Variants in FBN3 observed in about 807,000 individuals in gnomAD.
FBN3 encodes the protein fibrillin 3.
A neutral mutation model predicts 330.1 loss-of-function variants in FBN3; 234 were observed. That is an observed-to-expected ratio of 0.71 (90% CI 0.64 to 0.79). The LOEUF (loss-of-function observed/expected upper bound fraction) is 0.79, where lower values mean the gene tolerates loss of function less well. Among genes scored for constraint, FBN3 ranks in the 30% least tolerant of loss-of-function variants. The pLI is 0.00. For missense variants in FBN3, 3,606 were observed against 3,886.9 expected (o/e 0.93, Z 1.92); for synonymous variants, 1,458 against 1,517.3 (o/e 0.96, Z 0.91).
In FBN3 at chr19:8,090,236, A is replaced by C. The variant is rs2082063968; in HGVS notation, c.6047T>G (p.Phe2016Cys). The C allele has an allele frequency of 1.9e-6, 3 of 1,613,810 alleles. No individual in the cohort carries two copies. Among genetic ancestry groups the C allele is most frequent in the Admixed American group, 1.7e-5 (1 of 59,980 alleles). ...CCCAGCCTCAAAACGGGTGAAGCAG[A>C]AACTCTGCCGTGTGTCTGTGGGGTG... ...GHRCFDTRQSFCFTRFEAGKC... is the reference protein window; with the variant it reads ...GHRCFDTRQSCCFTRFEAGKC... Residue 2016 changes from phenylalanine (F) to cysteine (C), a missense_variant, in exon 49 of 64, where the codon TTC becomes TGC. Transcript: ENST00000600128.
At chr19:8,114,608 C>T (rs372192500) in intron 30 of FBN3, among the ~76,000 whole-genome samples, 3 of 151,872 alleles carry the variant, frequency 2.0e-5, no homozygotes, top group South Asian at 2.1e-4. Flanking sequence ...GCCATATGGC[C>T]GTGTTGTGAT....
chr19:8,141,640 T>A (rs72993506), intron 8 of FBN3, 77 bp downstream of exon 8: 72,789 of 1,521,016 alleles, frequency 0.048, 1,980 homozygotes, highest in African/African-American at 0.1. Context: ...CCCCTCTGCC[T>A]TCCTGCAGGG....
At chr19:8,125,423 G>GA (rs113707871) in intron 22 of FBN3, among the ~76,000 whole-genome samples, 58,006 of 146,488 alleles carry the variant, frequency 0.4, 12,222 homozygotes, top group African/African-American at 0.56. Flanking sequence ...CAAGAAAAAA[G>GA]AAAAAAAAAC....
At chr19:8,108,820 T>C (rs1031363162) in intron 36 of FBN3, among the ~76,000 whole-genome samples, 2 of 152,142 alleles carry the variant, frequency 1.3e-5, no homozygotes, top group African/African-American at 4.8e-5. Flanking sequence ...TCCTGAGCTA[T>C]GGGTATGCCT....
intron 36 of FBN3, among the ~76,000 whole-genome samples, chr19:8,108,754 T>C (rs1260099795): frequency 6.6e-6 from 1 of 152,034 alleles, no homozygotes; most frequent in East Asian, 1.9e-4. Context: ...AAAACCTCAC[T>C]CAAGCCTCCT....
chr19:8,095,871 T>G, intron 45 of FBN3, 93 bp downstream of exon 45: 1 of 760,524 alleles, frequency 1.3e-6, no homozygotes, highest in Non-Finnish European at 2.3e-6. Context: ...ATCGGGGACT[T>G]TCTGGGCATC....
rs140271593 is a variant in FBN3 at position 8,123,494 on chromosome 19, C to A, written c.3052G>T (p.Ala1018Ser). ...SFHCACAGGFALDAQERNCTD... is the reference protein window; with the variant it reads ...SFHCACAGGFSLDAQERNCTD... Reference sequence around the variant, plus strand: ...CAGTTCCGTTCCTGGGCATCCAGGGCGAAGCCCCCCGCACAGGCGCAGTGG... The same window carrying A: ...CAGTTCCGTTCCTGGGCATCCAGGGAGAAGCCCCCCGCACAGGCGCAGTGG... The change falls in exon 24 of 64, where the codon GCC becomes TCC. Residue 1018 changes from alanine (A) to serine (S), a missense_variant. Coordinates refer to ENST00000600128, the MANE Select transcript of FBN3 (RefSeq NM_032447.5). The A allele has an allele frequency of 1.2e-6, 2 of 1,613,832 alleles. No individual in the cohort carries two copies. Among genetic ancestry groups the A allele is most frequent in the African/African-American group, 2.7e-5 (2 of 74,946 alleles).
Position 8,103,706 on chromosome 19 carries a change from T to A in FBN3, c.4814-19A>T. 1 of 1,609,708 alleles carries A rather than the reference T, an allele frequency of 6.2e-7. No homozygotes were observed. The highest frequency in any genetic ancestry group is 8.5e-7 in the Non-Finnish European group (1 of 1,177,598). On this transcript the variant is annotated intron_variant, in intron 38 of 63. Transcript: ENST00000600128. ...TCAATATCTGCAGGGAAAGAAGGGG[T>A]GGAGGGGAACAGTGGGCAGCGTCCA...
chr19:8,129,409 G>A lies in FBN3; in HGVS notation c.2045-44C>T. 2 of 1,607,504 alleles carry A rather than the reference G, an allele frequency of 1.2e-6. No individual in the cohort carries two copies. Among genetic ancestry groups the A allele is most frequent in the East Asian group, 2.2e-5 (1 of 44,808 alleles). ...GTGTCAGCAGCAGCAGAAGGAGGGT[G>A]TGTCCGAGGCAGGAGGAGGGTGTGT... On this transcript the variant is annotated intron_variant, in intron 16 of 63. Coordinates refer to ENST00000600128, the MANE Select transcript of FBN3 (RefSeq NM_032447.5). This position sits in a 1 kb window ranked among gnomAD's most constrained non-coding sequence, Gnocchi z 4.5.
At chr19:8,079,670 A>C (rs907366536) in intron 59 of FBN3, among the ~76,000 whole-genome samples, 2 of 152,126 alleles carry the variant, frequency 1.3e-5, no homozygotes, top group African/African-American at 4.8e-5. Flanking sequence ...GGCTCACTGC[A>C]ATCTCCACCT....
At chr19:8,126,438 G>A (rs556536763) in intron 20 of FBN3, 30 bp downstream of exon 20, 71 of 1,602,652 alleles carry the variant, frequency 4.4e-5, no homozygotes, top group Non-Finnish European at 5.9e-5. Context: ...TTTCCCATGG[G>A]TGCCTGGGAG....
chr19:8,073,000 T>TGTGTGTGC (rs1268154685), intron 62 of FBN3, 63 bp downstream of exon 62: 15 of 916,324 alleles, frequency 1.6e-5, no homozygotes, highest in African/African-American at 8.5e-5. Flanking sequence ...TGTGTGTGTG[T>TGTGTGTGC]GTGCGTGCGT....
At position 8,130,603 on chromosome 19, in the gene FBN3, A is replaced by AGGAAGGAAGGAAGGAAGGAAGGAAGGAAG. The variant is rs1319455357; in HGVS notation, c.2044+631_2044+632insCTTCCTTCCTTCCTTCCTTCCTTCCTTCC. Among the ~76,000 whole-genome samples the AGGAAGGAAGGAAGGAAGGAAGGAAGGAAG allele has an allele frequency of 1.4e-4, 2 of 14,518 alleles. 1 individual carries two copies. The highest frequency in any genetic ancestry group is 2.8e-4 in the Non-Finnish European group (2 of 7,182). 9.5% of individuals were successfully genotyped at this position (14,518 alleles called of 152,430 possible). ...AAGAATGAAAGAAAGAAAGAAAGAA[A>AGGAAGGAAGGAAGGAAGGAAGGAAGGAAG]GAAAGAAAGAAAGAAAGAAAGAAAG... On this transcript the variant is annotated intron_variant, in intron 16 of 63. Transcript: ENST00000600128.
At chr19:8,125,183 C>T (rs1037718090) in intron 22 of FBN3, among the ~76,000 whole-genome samples, 6 of 152,066 alleles carry the variant, frequency 3.9e-5, no homozygotes, top group African/African-American at 1.2e-4. Flanking sequence ...CCCTTGAGGC[C>T]AGGAGTTTGA....
At position 8,080,087 on chromosome 19, in the gene FBN3, C is replaced by T. The variant is rs2144613581; in HGVS notation, c.7453+916G>A. On this transcript the variant is annotated intron_variant, in intron 59 of 63. Coordinates refer to ENST00000600128, the MANE Select transcript of FBN3 (RefSeq NM_032447.5). Reference sequence around the variant, plus strand: ...CTTCTCTGCCAATATAGTGCAAAAGCAGCCACAGGTGATTGTAAGCAAGCG... The same window carrying T: ...CTTCTCTGCCAATATAGTGCAAAAGTAGCCACAGGTGATTGTAAGCAAGCG... 1.3e-5 allele frequency among the ~76,000 whole-genome samples: 2 copies of T among 152,366 alleles called. 1 individual carries two copies. Among genetic ancestry groups the T allele is most frequent in the East Asian group, 3.9e-4 (2 of 5,188 alleles).
chr19:8,139,023 C>T (rs140720357), intron 8 of FBN3, among the ~76,000 whole-genome samples: 335 of 151,638 alleles, frequency 2.2e-3, no homozygotes, highest in African/African-American at 7.8e-3. Context: ...CACTGCACTC[C>T]GGCCTGGGCA....
Position 8,123,552 on chromosome 19 carries a change from C to T in FBN3, c.2994G>A (p.Thr998=), listed in dbSNP as rs61729602. The T allele has an allele frequency of 2.7e-3, 4,431 of 1,614,138 alleles. 111 individuals carry two copies. In the African/African-American group the frequency reaches 0.05, roughly 18 times the overall value. The change falls in exon 24 of 64, where the codon ACG becomes ACA. Residue 998 remains threonine, a synonymous_variant. Coordinates refer to ENST00000600128, the MANE Select transcript of FBN3 (RefSeq NM_032447.5). ...CCACCGTGTTTCTGCAGGTACCGTGCGTGCAGAGGCCAGGGAACACCTTGC... is the reference window on the plus strand; with the variant it reads ...CCACCGTGTTTCTGCAGGTACCGTGTGTGCAGAGGCCAGGGAACACCTTGC... ...NECKVFPGLC[T]HGTCRNTVGS... is the part of the protein sequence containing the mutation.
Position 8,118,882 on chromosome 19 carries a change from C to T in FBN3, c.3337+15G>A, listed in dbSNP as rs1372001115. 2.5e-6 allele frequency: 4 copies of T among 1,604,162 alleles called. No homozygotes were observed. The highest frequency in any genetic ancestry group is 3.4e-6 in the Non-Finnish European group (4 of 1,171,792). ...GGGCTAACACTCACACTTGCACACC[C>T]AGATGCACACTTACCCTCACAGGCA... On this transcript the variant is annotated intron_variant, in intron 26 of 63. Coordinates refer to ENST00000600128, the MANE Select transcript of FBN3 (RefSeq NM_032447.5).
chr19:8,121,495 T>C lies in FBN3; in HGVS notation c.3083-109A>G, dbSNP rs748310049. 51 of 1,139,396 alleles carry C rather than the reference T, an allele frequency of 4.5e-5. No homozygotes were observed. The African/African-American group carries it at 7.9e-4, about 18-fold the overall frequency. 70.6% of individuals were successfully genotyped at this position (1,139,396 alleles called of 1,614,324 possible). ...GGAGGTGTGGGCTAGAGGAAGCCCA[T>C]CTGCAGACATAAGGAGGCACAGGCC... On this transcript the variant is annotated intron_variant, in intron 24 of 63. Transcript: ENST00000600128. This position sits in a 1 kb window ranked among gnomAD's most constrained non-coding sequence, Gnocchi z 4.5.
Sources: gnomAD v4.1 joint callset for allele counts (sites outside exome capture counted in the v4.1 genomes callset) on GRCh38, gnomAD v4.1.1 for gene constraint, Gnocchi (gnomAD v3.1) non-coding constraint, MANE v1.5 for transcripts, NCBI Gene and HGNC (gene_info 2026-07-23, HGNC 2026-07-21) for gene names.